The following ERBB4 variants were observed in gnomAD, a reference collection of about 807,000 sequenced individuals.
ERBB4 encodes receptor tyrosine-protein kinase erbB-4.
In ERBB4, 42 loss-of-function variants were observed where a neutral mutation model predicts 158.0. The observed-to-expected ratio is 0.27, with a 90% CI of 0.21 to 0.34. ERBB4 has a LOEUF of 0.34. Ranked by LOEUF, ERBB4 falls within the 10% of genes least tolerant of loss-of-function variation. The probability of loss-of-function intolerance (pLI) is 1.00; values close to 1 mark genes in which losing one functional copy is unlikely to be tolerated. For synonymous variants in ERBB4, 583 were observed against 558.7 expected (o/e 1.04, Z -0.61); for missense variants, 1,333 against 1,624.1 (o/e 0.82, Z 3.08).
chr2:211,683,732 T>C (rs2072449537), intron 12 of ERBB4, among the ~76,000 whole-genome samples: 1 of 130,924 alleles, frequency 7.6e-6, no homozygotes, highest in Non-Finnish European at 1.6e-5. Flanking sequence ...GTAGTAACAC[T>C]TTAGTCAGGG....
intron 1 of ERBB4, among the ~76,000 whole-genome samples, chr2:212,369,176 A>G (rs1160170502): frequency 6.6e-6 from 1 of 152,204 alleles, no homozygotes; most frequent in African/African-American, 2.4e-5. Flanking sequence ...AAGGAGGAAA[A>G]GTTCATAAAA....
chr2:211,520,827 T>C (rs988718394), intron 20 of ERBB4, among the ~76,000 whole-genome samples: 1 of 152,176 alleles, frequency 6.6e-6, no homozygotes, highest in African/African-American at 2.4e-5. Context: ...TTTTAAACTT[T>C]GTTATAATTA....
chr2:211,909,242 A>G (rs2079478984), intron 3 of ERBB4, among the ~76,000 whole-genome samples: 1 of 151,820 alleles, frequency 6.6e-6, no homozygotes, highest in South Asian at 2.1e-4. Flanking sequence ...ACGAGGAAAT[A>G]AAACAATGTT....
intron 3 of ERBB4, among the ~76,000 whole-genome samples, chr2:211,828,066 T>C (rs1170775730): frequency 6.6e-6 from 1 of 152,148 alleles, no homozygotes. Context: ...AATGTTAATC[T>C]GTAGGATAAT....
intron 1 of ERBB4, among the ~76,000 whole-genome samples, chr2:212,234,679 TG>T (rs2083790945): frequency 6.6e-6 from 1 of 152,210 alleles, no homozygotes; most frequent in Admixed American, 6.5e-5. Context: ...CCATTCTAAC[TG>T]GCATGAGATG....
At chr2:212,404,953 C>G (rs964512745) in intron 1 of ERBB4, among the ~76,000 whole-genome samples, 1 of 152,016 alleles carries the variant, frequency 6.6e-6, no homozygotes, top group Non-Finnish European at 1.5e-5. Context: ...GCCTCCAGCT[C>G]CATCCATGTC....
intron 17 of ERBB4, among the ~76,000 whole-genome samples, chr2:211,626,426 T>C (rs1364835598): frequency 1.3e-5 from 2 of 152,180 alleles, no homozygotes; most frequent in African/African-American, 4.8e-5. Context: ...CAACAAATGT[T>C]CACTTCTGAG....
chr2:212,208,551 G>A (rs2082835144), intron 1 of ERBB4, among the ~76,000 whole-genome samples: 1 of 152,128 alleles, frequency 6.6e-6, no homozygotes, highest in Non-Finnish European at 1.5e-5. Context: ...AAATAGTTAT[G>A]ATGATAGGGA....
At chr2:212,380,926 G>A (rs1289668974) in intron 1 of ERBB4, among the ~76,000 whole-genome samples, 1 of 151,034 alleles carries the variant, frequency 6.6e-6, no homozygotes, top group Non-Finnish European at 1.5e-5. Context: ...TCATATATTG[G>A]GTAGTCGGAA....
At chr2:211,580,875 A>ACAG (rs796517036) in intron 19 of ERBB4, among the ~76,000 whole-genome samples, 1 of 1,202 alleles carries the variant, frequency 8.3e-4, no homozygotes, top group Non-Finnish European at 2.4e-3. Flanking sequence ...ACATATATAT[A>ACAG]TATATATATA....
At chr2:211,581,994 A>G (rs545321106) in intron 19 of ERBB4, among the ~76,000 whole-genome samples, 18 of 152,082 alleles carry the variant, frequency 1.2e-4, no homozygotes, top group African/African-American at 4.1e-4. Flanking sequence ...TAGGTGACAG[A>G]GTGAGACTCC....
intron 22 of ERBB4, among the ~76,000 whole-genome samples, 188 bp downstream of exon 22, chr2:211,428,210 CTTAAAATAAA>C (rs890663377): frequency 1.2e-5 from 1 of 85,228 alleles, no homozygotes; most frequent in African/African-American, 4.7e-5. Flanking sequence ...TATCGCAGAA[CTTAAAATAAA>C]ATAAAATAAA....
intron 1 of ERBB4, among the ~76,000 whole-genome samples, chr2:212,327,724 TTTTC>T (rs1389262222): frequency 8.3e-5 from 3 of 36,126 alleles, no homozygotes; most frequent in African/African-American, 1.7e-4. Context: ...TTTTTTCTTT[TTTTC>T]TTTTTTTTTT....
intron 2 of ERBB4, among the ~76,000 whole-genome samples, chr2:212,051,171 T>C (rs1229515845): frequency 6.6e-6 from 1 of 152,136 alleles, no homozygotes; most frequent in Non-Finnish European, 1.5e-5. Context: ...CTTTGAAAGG[T>C]AATATTTGGG....
intron 2 of ERBB4, chr2:212,124,527 T>C (rs892314761): frequency 3.6e-6 from 2 of 549,620 alleles, no homozygotes; most frequent in African/African-American, 3.8e-5. Context: ...TTCTCAATCT[T>C]AGGGCAACAG....
At chr2:211,609,484 G>A (rs538916719) in intron 19 of ERBB4, among the ~76,000 whole-genome samples, 1 of 152,134 alleles carries the variant, frequency 6.6e-6, no homozygotes, top group Non-Finnish European at 1.5e-5. Context: ...CTAAGCATAA[G>A]AATGGACAAT....
At chr2:212,240,031 T>C (rs1193278835) in intron 1 of ERBB4, among the ~76,000 whole-genome samples, 2 of 152,208 alleles carry the variant, frequency 1.3e-5, no homozygotes, top group African/African-American at 2.4e-5. Flanking sequence ...CTTCTGTAGC[T>C]ATGGTTAGAC....
intron 1 of ERBB4, among the ~76,000 whole-genome samples, chr2:212,430,376 A>C (rs1350781252): frequency 6.6e-6 from 1 of 152,070 alleles, no homozygotes; most frequent in Admixed American, 6.6e-5. Flanking sequence ...AAAATGAAAA[A>C]TTGCTTTCTA....
At chr2:211,710,911 T>C (rs2073673342) in intron 9 of ERBB4, among the ~76,000 whole-genome samples, 1 of 151,970 alleles carries the variant, frequency 6.6e-6, no homozygotes, top group African/African-American at 2.4e-5. Context: ...CAGTCTCGGG[T>C]GTGTCTTTAT....
Sources: gnomAD v4.1 joint callset for allele counts (sites outside exome capture counted in the v4.1 genomes callset) on GRCh38, gnomAD v4.1.1 for gene constraint, MANE v1.5 for transcripts, NCBI Gene and HGNC (gene_info 2026-07-23, HGNC 2026-07-21) for gene names.